Variants in RIOK3 observed in about 807,000 individuals in gnomAD.
RIOK3 encodes the protein serine/threonine-protein kinase RIO3.
Under a neutral mutation model 63.5 loss-of-function variants are expected in RIOK3, and 40 were observed. The observed-to-expected ratio is 0.63, with a 90% CI of 0.49 to 0.82. The LOEUF is 0.82. RIOK3 is among the 40% of genes least tolerant of loss of function. The probability of loss-of-function intolerance (pLI) is 0.00; values close to 1 mark genes in which losing one functional copy is unlikely to be tolerated. For missense variants in RIOK3, 557 were observed against 637.0 expected, an observed-to-expected ratio of 0.87 and a Z score of 1.35; for synonymous variants, 193 against 205.0, an observed-to-expected ratio of 0.94 and a Z score of 0.50.
intron 12 of RIOK3, among the ~76,000 whole-genome samples, chr18:23,480,914 C>T (rs1029720570): frequency 3.3e-5 from 5 of 152,240 alleles, no homozygotes; most frequent in African/African-American, 9.6e-5. Flanking sequence ...TAGTGAAACC[C>T]GTCTTTACTA....
intron 6 of RIOK3, 87 bp from the exon 7 acceptor site, chr18:23,467,312 C>CT: frequency 1.6e-6 from 2 of 1,285,702 alleles, no homozygotes. Context: ...AAGACTCCGT[C>CT]TCAAAAAAAA....
chr18:23,469,411 C>CT (rs1392190404), intron 7 of RIOK3, among the ~76,000 whole-genome samples: 2 of 80,258 alleles, frequency 2.5e-5, no homozygotes, highest in African/African-American at 4.9e-5. Flanking sequence ...TCCCCTCTCT[C>CT]CTCTCTCTCT....
At chr18:23,464,342 G>GCCCC in intron 4 of RIOK3, 29 bp downstream of exon 4, 1 of 1,472,194 alleles carries the variant, frequency 6.8e-7, no homozygotes, top group Non-Finnish European at 9.5e-7. Context: ...TCTGGGGGCA[G>GCCCC]CAGAATAGAG....
chr18:23,481,311 G>A lies in RIOK3; in HGVS notation c.*32G>A. Reference sequence around the variant, plus strand: ...TACCCACTGCTTCAGTGTTAACACAGCAGTGATTGTCAGCTGCCAATAGCA... The same window carrying A: ...TACCCACTGCTTCAGTGTTAACACAACAGTGATTGTCAGCTGCCAATAGCA... On this transcript the variant is annotated 3_prime_UTR_variant, in exon 13 of 13. Coordinates refer to ENST00000339486, the MANE Select transcript of RIOK3 (RefSeq NM_003831.5). 1.5e-6 allele frequency: 2 copies of A among 1,323,732 alleles called. No homozygotes were observed. Among genetic ancestry groups the A allele is most frequent in the South Asian group, 1.3e-5 (1 of 74,822 alleles). The allele number at this position is 1,323,732 out of a possible 1,614,324, so 82.0% of individuals were successfully genotyped here.
chr18:23,462,285 A>G (rs1400949892), intron 1 of RIOK3, among the ~76,000 whole-genome samples: 1 of 151,382 alleles, frequency 6.6e-6, no homozygotes, highest in African/African-American at 2.4e-5. Flanking sequence ...GACTACAGGC[A>G]TGCACCACCA....
intron 1 of RIOK3, among the ~76,000 whole-genome samples, chr18:23,462,125 T>G (rs1598804867): frequency 7.6e-6 from 1 of 132,084 alleles, no homozygotes; most frequent in Admixed American, 8.5e-5. Context: ...AAAAAAAATG[T>G]GTTGTTTGTT....
At chr18:23,480,590 C>CACACAT (rs66644690) in intron 12 of RIOK3, among the ~76,000 whole-genome samples, 3 of 148,300 alleles carry the variant, frequency 2.0e-5, no homozygotes. Flanking sequence ...CACACACACA[C>CACACAT]ATAGTAATTT....
chr18:23,477,087 G>C lies in RIOK3; in HGVS notation c.1254+1G>C, dbSNP rs368871775. On this transcript the variant is annotated splice_donor_variant, in intron 10 of 12. Transcript: ENST00000339486. LOFTEE classifies it high-confidence loss of function. Reference sequence around the variant, plus strand: ...TAACATGCTGTGGCATGCTGGAAAGGTGAGGAGCACATTTTGTTAACATTC... The same window carrying C: ...TAACATGCTGTGGCATGCTGGAAAGCTGAGGAGCACATTTTGTTAACATTC... 1.2e-6 allele frequency: 2 copies of C among 1,613,722 alleles called. No homozygotes were observed. The highest frequency in any genetic ancestry group is 1.3e-5 in the African/African-American group (1 of 74,898).
intron 1 of RIOK3, among the ~76,000 whole-genome samples, chr18:23,461,167 G>T (rs541341034): frequency 3.2e-4 from 48 of 152,358 alleles, no homozygotes; most frequent in Admixed American, 7.2e-4. Context: ...CACTTGCCCA[G>T]TTGTCTCTGA....
At chr18:23,467,617 C>A in intron 7 of RIOK3, 91 bp downstream of exon 7, 1 of 1,239,366 alleles carries the variant, frequency 8.1e-7, no homozygotes, top group Non-Finnish European at 1.1e-6. Flanking sequence ...GATAATGCTG[C>A]ATGGCAAGCA....
chr18:23,461,919 A>G (rs925697425), intron 1 of RIOK3, among the ~76,000 whole-genome samples: 1 of 151,334 alleles, frequency 6.6e-6, no homozygotes, highest in Non-Finnish European at 1.5e-5. Context: ...GCAAAACCCT[A>G]TCTCTACTAA....
chr18:23,465,765 A>G (rs1306966687), intron 5 of RIOK3, among the ~76,000 whole-genome samples: 3 of 152,096 alleles, frequency 2.0e-5, no homozygotes, highest in Non-Finnish European at 4.4e-5. Context: ...ATAACAACCC[A>G]CTCTCCACAA....
chr18:23,477,350 G>T, intron 11 of RIOK3, 82 bp downstream of exon 11: 1 of 1,044,244 alleles, frequency 9.6e-7, no homozygotes, highest in South Asian at 1.3e-5. Flanking sequence ...TAAGTAAGAG[G>T]ACCATATTCT....
chr18:23,456,205 T>C (rs1369324152), intron 1 of RIOK3, among the ~76,000 whole-genome samples: 3 of 152,046 alleles, frequency 2.0e-5, no homozygotes, highest in African/African-American at 7.2e-5. Flanking sequence ...CCTCTCAAAA[T>C]GTTAGGATTA....
intron 1 of RIOK3, chr18:23,456,565 A>G (rs1023170452): frequency 1.3e-5 from 2 of 152,114 alleles, no homozygotes; most frequent in East Asian, 3.9e-4. Context: ...AAAAGAAAAC[A>G]AACAAAAAAA....
At position 23,479,774 on chromosome 18, in the gene RIOK3, G is replaced by A. The variant is rs140736027; in HGVS notation, c.1452+350G>A. Among the ~76,000 whole-genome samples the A allele has an allele frequency of 1.4e-3, 206 of 152,018 alleles. No individual in the cohort carries two copies. The East Asian group carries it at 0.03, about 22-fold the overall frequency. On this transcript the variant is annotated intron_variant, in intron 12 of 12. Transcript: ENST00000339486. ...GTATTTTTGGTAGAGACAGGGTTTCGCCATGTTGGCCAGGCCGGTCTTGAA... is the reference window on the plus strand; with the variant it reads ...GTATTTTTGGTAGAGACAGGGTTTCACCATGTTGGCCAGGCCGGTCTTGAA...
intron 5 of RIOK3, 50 bp downstream of exon 5, chr18:23,464,678 C>A: frequency 1.8e-6 from 2 of 1,090,626 alleles, no homozygotes; most frequent in Non-Finnish European, 2.6e-6. Flanking sequence ...TGTTTGAATA[C>A]CTTTCAAAAA....
intron 1 of RIOK3, among the ~76,000 whole-genome samples, chr18:23,458,431 G>A (rs569995791): frequency 6.6e-6 from 1 of 152,082 alleles, no homozygotes; most frequent in Non-Finnish European, 1.5e-5. Flanking sequence ...AAACAGGGTG[G>A]GTCTTAGGGT....
chr18:23,481,118 GT>G, intron 12 of RIOK3, 53 bp from the exon 13 acceptor site: 1 of 1,304,722 alleles, frequency 7.7e-7, no homozygotes, highest in Non-Finnish European at 1.1e-6. Context: ...CTAAAATATG[GT>G]TTCTGTGAAA....
Sources: gnomAD v4.1 joint callset for allele counts (sites outside exome capture counted in the v4.1 genomes callset) on GRCh38, gnomAD v4.1.1 for gene constraint, MANE v1.5 for transcripts, NCBI Gene and HGNC (gene_info 2026-07-23, HGNC 2026-07-21) for gene names.